Variants in KCTD8 observed in about 807,000 individuals in gnomAD.
KCTD8 encodes BTB/POZ domain-containing protein KCTD8.
In KCTD8, 27 loss-of-function variants were observed where a neutral mutation model predicts 31.5. The observed-to-expected ratio is 0.86, with a 90% CI of 0.63 to 1.18. The LOEUF (loss-of-function observed/expected upper bound fraction) is 1.18, where lower values mean the gene tolerates loss of function less well. KCTD8 is among the 50% of genes most tolerant of loss of function. The probability of loss-of-function intolerance (pLI) is 0.00; values close to 1 mark genes in which losing one functional copy is unlikely to be tolerated. For synonymous variants in KCTD8, 290 were observed against 280.0 expected, an observed-to-expected ratio of 1.04 and a Z score of -0.36; for missense variants, 658 against 647.7, an observed-to-expected ratio of 1.02 and a Z score of -0.17.
intron 1 of KCTD8, among the ~76,000 whole-genome samples, chr4:44,442,313 A>G (rs571086199): frequency 5.4e-4 from 82 of 152,280 alleles, no homozygotes; most frequent in African/African-American, 1.9e-3. Flanking sequence ...ATGGACAGGT[A>G]TGGCAGCTCA....
At chr4:44,334,393 T>C (rs975122263) in intron 1 of KCTD8, among the ~76,000 whole-genome samples, 1 of 146,934 alleles carries the variant, frequency 6.8e-6, no homozygotes, top group South Asian at 2.2e-4. Flanking sequence ...AAATTATACA[T>C]GGTCAAACAA....
At chr4:44,292,550 C>A (rs1416880993) in intron 1 of KCTD8, among the ~76,000 whole-genome samples, 1 of 152,082 alleles carries the variant, frequency 6.6e-6, no homozygotes, top group African/African-American at 2.4e-5. Context: ...ATGGGATCAT[C>A]TGTACCTCAA....
intron 1 of KCTD8, among the ~76,000 whole-genome samples, chr4:44,276,061 C>T (rs1413174272): frequency 6.6e-6 from 1 of 151,974 alleles, no homozygotes; most frequent in African/African-American, 2.4e-5. Flanking sequence ...AAAAGAGTGG[C>T]ATCCCAAGGG....
chr4:44,432,887 T>G (rs1368865299), intron 1 of KCTD8, among the ~76,000 whole-genome samples: 1 of 151,770 alleles, frequency 6.6e-6, no homozygotes, highest in East Asian at 1.9e-4. Flanking sequence ...TATTGTTAAG[T>G]ACACATTCTT....
At chr4:44,198,956 G>A (rs1714034371) in intron 1 of KCTD8, among the ~76,000 whole-genome samples, 1 of 152,030 alleles carries the variant, frequency 6.6e-6, no homozygotes, top group Non-Finnish European at 1.5e-5. Flanking sequence ...TGGAGAAAGA[G>A]CTACCAGGCA....
rs953793853 is a variant in KCTD8, at chr4:44,319,288, G to A, written c.961+128275C>T. ...TTTCTATAATAGGTTTACACAGCCT[G>A]AGTAAGAGTACAAAAGAGGCCAATA... On this transcript the variant is annotated intron_variant, in intron 1 of 1. Transcript: ENST00000360029. Among the ~76,000 whole-genome samples the A allele has an allele frequency of 3.9e-5, 6 of 152,298 alleles. No individual in the cohort carries two copies. In the East Asian group the frequency reaches 1.2e-3, roughly 29 times the overall value.
At chr4:44,306,348 C>T (rs1717805651) in intron 1 of KCTD8, among the ~76,000 whole-genome samples, 1 of 151,988 alleles carries the variant, frequency 6.6e-6, no homozygotes, top group African/African-American at 2.4e-5. Flanking sequence ...TATATCCTCA[C>T]TTCATGTTAA....
At chr4:44,349,990 T>C (rs1278819844) in intron 1 of KCTD8, among the ~76,000 whole-genome samples, 1 of 152,162 alleles carries the variant, frequency 6.6e-6, no homozygotes, top group Non-Finnish European at 1.5e-5. Flanking sequence ...TATTTCCATC[T>C]ACCACTGACT....
chr4:44,217,747 C>G (rs150247590), intron 1 of KCTD8, among the ~76,000 whole-genome samples: 28 of 152,302 alleles, frequency 1.8e-4, no homozygotes, highest in Non-Finnish European at 2.9e-4. Context: ...TGCTTCCATC[C>G]ATTCTTCCTG....
At chr4:44,406,015 G>C (rs777002795) in intron 1 of KCTD8, among the ~76,000 whole-genome samples, 5 of 151,992 alleles carry the variant, frequency 3.3e-5, no homozygotes, top group Non-Finnish European at 5.9e-5. Flanking sequence ...TCATTTCTTT[G>C]TAAAGTTAAA....
At chr4:44,444,800 T>TA (rs1721898823) in intron 1 of KCTD8, among the ~76,000 whole-genome samples, 1 of 143,352 alleles carries the variant, frequency 7.0e-6, no homozygotes, top group Non-Finnish European at 1.5e-5. Context: ...TGACGGGGGT[T>TA]GGGGGGGAAT....
At chr4:44,246,766 A>G (rs1452863643) in intron 1 of KCTD8, among the ~76,000 whole-genome samples, 1 of 151,980 alleles carries the variant, frequency 6.6e-6, no homozygotes, top group Non-Finnish European at 1.5e-5. Flanking sequence ...AAAATCAACT[A>G]TGAAGACTGC....
intron 1 of KCTD8, among the ~76,000 whole-genome samples, chr4:44,420,776 G>A (rs776401424): frequency 3.9e-5 from 6 of 152,084 alleles, no homozygotes; most frequent in Non-Finnish European, 5.9e-5. Context: ...ATTCCTAATA[G>A]AGCAATTCAG....
At chr4:44,217,852 G>A (rs1159542174) in intron 1 of KCTD8, among the ~76,000 whole-genome samples, 1 of 152,046 alleles carries the variant, frequency 6.6e-6, no homozygotes, top group Non-Finnish European at 1.5e-5. Flanking sequence ...GCCACAGACT[G>A]AAATCTGCAC....
At chr4:44,431,349 CTCAG>C (rs1181338356) in intron 1 of KCTD8, among the ~76,000 whole-genome samples, 2 of 151,484 alleles carry the variant, frequency 1.3e-5, no homozygotes, top group Admixed American at 6.6e-5. Flanking sequence ...CTTCTCTTGT[CTCAG>C]TATCTTTAAT....
chr4:44,269,548 A>G (rs1488209766), intron 1 of KCTD8, among the ~76,000 whole-genome samples: 1 of 151,878 alleles, frequency 6.6e-6, no homozygotes, highest in Non-Finnish European at 1.5e-5. Context: ...ATGGGATCTA[A>G]TTAAACTAAA....
intron 1 of KCTD8, among the ~76,000 whole-genome samples, chr4:44,235,576 T>TA (rs1560402134): frequency 5.0e-3 from 283 of 56,678 alleles, no homozygotes; most frequent in Non-Finnish European, 6.4e-3. Context: ...TATATATATA[T>TA]TTAGAGAGAG....
At chr4:44,348,816 T>C (rs1396167987) in intron 1 of KCTD8, among the ~76,000 whole-genome samples, 1 of 152,134 alleles carries the variant, frequency 6.6e-6, no homozygotes, top group Non-Finnish European at 1.5e-5. Context: ...TCACCCTCCT[T>C]GACAGGTTGG....
At chr4:44,311,733 A>G (rs181533595) in intron 1 of KCTD8, among the ~76,000 whole-genome samples, 76 of 152,078 alleles carry the variant, frequency 5.0e-4, no homozygotes, top group African/African-American at 1.8e-3. Flanking sequence ...AGGTTCTGAA[A>G]AAGAAAATGC....
Sources: gnomAD v4.1 joint callset for allele counts (sites outside exome capture counted in the v4.1 genomes callset) on GRCh38, gnomAD v4.1.1 for gene constraint, MANE v1.5 for transcripts, NCBI Gene and HGNC (gene_info 2026-07-23, HGNC 2026-07-21) for gene names.